Variants in CFAP43 observed in about 807,000 individuals in gnomAD.
CFAP43 encodes cilia and flagella associated protein 43, also known as cilia- and flagella-associated protein 43.
In CFAP43, 155 loss-of-function variants were observed where a neutral mutation model predicts 218.9. The observed-to-expected ratio is 0.71, with a 90% confidence interval of 0.62 to 0.81. The LOEUF is 0.81. Ranked by LOEUF, CFAP43 falls within the 30% of genes least tolerant of loss-of-function variation. The pLI, the probability that CFAP43 is intolerant of heterozygous loss-of-function variation, is 0.00. For missense variants in CFAP43, 1,778 were observed against 1,954.3 expected, an observed-to-expected ratio of 0.91 and a Z score of 1.70; for synonymous variants, 645 against 681.3, an observed-to-expected ratio of 0.95 and a Z score of 0.83.
chr10:104,149,207 CCT>C (rs1431932567), intron 28 of CFAP43, among the ~76,000 whole-genome samples: 2 of 152,058 alleles, frequency 1.3e-5, no homozygotes, highest in Non-Finnish European at 2.9e-5. Flanking sequence ...TAAATTTGAT[CCT>C]TTTAACAAGA....
At chr10:104,171,247 C>T (rs1434541377) in intron 20 of CFAP43, among the ~76,000 whole-genome samples, 1 of 152,088 alleles carries the variant, frequency 6.6e-6, no homozygotes, top group Non-Finnish European at 1.5e-5. Context: ...GATTAATATG[C>T]CCAGCACATT....
rs531466951 is a variant in CFAP43 at position 104,131,624 on chromosome 10, A to C, written c.4678-140T>G. On this transcript the variant is annotated intron_variant, in intron 36 of 37. Transcript: ENST00000357060. Reference sequence around the variant, plus strand: ...TACCGCCATATCTGTAGTGCCTGGCATAGTAGGCACTCGAGTTATTTGTTG... The same window carrying C: ...TACCGCCATATCTGTAGTGCCTGGCCTAGTAGGCACTCGAGTTATTTGTTG... 3.8e-5 allele frequency: 37 copies of C among 967,466 alleles called. 1 individual carries two copies. In the South Asian group the frequency reaches 6.5e-4, roughly 17 times the overall value. 59.9% of individuals were successfully genotyped at this position (967,466 alleles called of 1,614,324 possible).
At chr10:104,160,368 G>A (rs1017017369) in intron 27 of CFAP43, among the ~76,000 whole-genome samples, 4 of 152,228 alleles carry the variant, frequency 2.6e-5, no homozygotes, top group South Asian at 2.1e-4. Flanking sequence ...ATTCAAAGAA[G>A]CTCTTCATGA....
At chr10:104,143,917 C>G (rs565233896) in intron 31 of CFAP43, among the ~76,000 whole-genome samples, 2 of 152,342 alleles carry the variant, frequency 1.3e-5, no homozygotes, top group South Asian at 4.1e-4. Context: ...CATTTCCTTT[C>G]TGTATACTGT....
At chr10:104,193,798 T>A in intron 11 of CFAP43, 68 bp downstream of exon 11, 2 of 1,533,832 alleles carry the variant, frequency 1.3e-6, no homozygotes, top group African/African-American at 2.8e-5. Context: ...AAAGAAAGGA[T>A]GGCTTCACTA....
rs1390654780 is a variant in CFAP43 at position 104,139,402 on chromosome 10, CAT to C, written c.4431+1438_4431+1439del. Among the ~76,000 whole-genome samples the C allele has an allele frequency of 5.9e-5, 9 of 152,264 alleles. 2 individuals are homozygous for C. Among genetic ancestry groups the C allele is most frequent in the Admixed American group, 5.2e-4 (8 of 15,288 alleles). The stretch of plus-strand genomic sequence containing the variant: ...GAGAAGCTCAAGAATCTCACGCACA[CAT>C]GTGCATACCGCCCCCTATCCCCACC... On this transcript the variant is annotated intron_variant, in intron 34 of 37. Transcript: ENST00000357060.
chr10:104,157,074 C>T lies in CFAP43; in HGVS notation c.3540+3963G>A, dbSNP rs185569128. On this transcript the variant is annotated intron_variant, in intron 27 of 37. Coordinates refer to ENST00000357060, the MANE Select transcript of CFAP43 (RefSeq NM_025145.7). ...ATAAAACAAGTAAAAATAACATTGT[C>T]TAAAGATATCTTAAAGCTGAAAACC... Among the ~76,000 whole-genome samples the T allele has an allele frequency of 9.1e-4, 138 of 152,338 alleles. 1 individual carries two copies. The highest frequency in any genetic ancestry group is 3.2e-3 in the African/African-American group (132 of 41,562).
chr10:104,229,803 C>G (rs1026647697), intron 2 of CFAP43, among the ~76,000 whole-genome samples: 1 of 152,174 alleles, frequency 6.6e-6, no homozygotes, highest in African/African-American at 2.4e-5. Flanking sequence ...ATCTTTATCC[C>G]TATTTCATGA....
At chr10:104,211,535 T>A (rs1042347296) in intron 5 of CFAP43, among the ~76,000 whole-genome samples, 1 of 152,204 alleles carries the variant, frequency 6.6e-6, no homozygotes, top group Non-Finnish European at 1.5e-5. Flanking sequence ...CTGCGCCTTC[T>A]CAGAATTCCT....
chr10:104,217,580 TG>T (rs1488585900), intron 3 of CFAP43, among the ~76,000 whole-genome samples: 2 of 152,320 alleles, frequency 1.3e-5, no homozygotes, highest in African/African-American at 4.8e-5. Flanking sequence ...GCAAGAGGGC[TG>T]GACCTTCCGT....
chr10:104,211,964 C>T (rs2090875560), intron 5 of CFAP43, 43 bp downstream of exon 5: 7 of 1,596,594 alleles, frequency 4.4e-6, no homozygotes, highest in Non-Finnish European at 6.0e-6. Flanking sequence ...GCTTCCTAGA[C>T]CTCAACCCAT....
rs777305060 is a variant in CFAP43, at chr10:104,188,358, G to A, written c.1599C>T (p.Asp533=). ...QISTVSLLET[D]IVEVMVLSSL... ...AGGAAAGCACCATCACTTCCACTAT[G>A]TCTGTTTCTAAAAGAGACACTGTGG... Residue 533 remains aspartate (D), a synonymous_variant, in exon 13 of 38, where the codon GAC becomes GAT. Transcript: ENST00000357060. The A allele has an allele frequency of 1.9e-6, 3 of 1,614,080 alleles. No homozygotes were observed. The highest frequency in any genetic ancestry group is 1.7e-5 in the Admixed American group (1 of 60,008).
At chr10:104,138,079 G>A (rs2087534294) in intron 34 of CFAP43, among the ~76,000 whole-genome samples, 1 of 152,124 alleles carries the variant, frequency 6.6e-6, no homozygotes, top group South Asian at 2.1e-4. Flanking sequence ...GTATAGCATG[G>A]AACAGTGGAG....
intron 5 of CFAP43, among the ~76,000 whole-genome samples, chr10:104,209,678 C>A (rs966058270): frequency 1.3e-5 from 2 of 152,100 alleles, no homozygotes; most frequent in Non-Finnish European, 2.9e-5. Flanking sequence ...CCCAGAAAAA[C>A]CCAATTTGAG....
intron 17 of CFAP43, among the ~76,000 whole-genome samples, chr10:104,180,224 T>A (rs917586157): frequency 1.8e-4 from 28 of 152,186 alleles, no homozygotes; most frequent in Admixed American, 5.9e-4. Context: ...TTCCTGCCCA[T>A]CAGGGCCTGT....
intron 3 of CFAP43, among the ~76,000 whole-genome samples, chr10:104,222,436 G>A (rs1409708065): frequency 6.6e-6 from 1 of 152,186 alleles, no homozygotes; most frequent in Non-Finnish European, 1.5e-5. Context: ...CCACAGCAGA[G>A]GCTGGAAGAG....
chr10:104,208,897 A>T (rs567513637), intron 5 of CFAP43, among the ~76,000 whole-genome samples: 2 of 152,160 alleles, frequency 1.3e-5, no homozygotes, highest in Non-Finnish European at 2.9e-5. Context: ...GATTTCCCCC[A>T]TGCTACGACT....
intron 8 of CFAP43, 161 bp downstream of exon 8, chr10:104,203,511 T>C (rs1044021613): frequency 1.7e-6 from 1 of 575,904 alleles, no homozygotes; most frequent in Non-Finnish European, 2.7e-6. Flanking sequence ...TAGCTCTTTG[T>C]AATTTAGGCC....
rs112588117 is a variant in CFAP43 at position 104,147,842 on chromosome 10, C to G, written c.3768+49G>C. The G allele has an allele frequency of 3.6e-3, 4,770 of 1,315,494 alleles. 138 individuals are homozygous for G. The African/African-American group carries it at 0.064, about 18-fold the overall frequency. 81.5% of individuals were successfully genotyped at this position (1,315,494 alleles called of 1,614,324 possible). A position where few individuals can be genotyped will look rare whatever the true frequency, so the allele number is the denominator to read the frequency against. On this transcript the variant is annotated intron_variant, in intron 29 of 37. Transcript: ENST00000357060. The stretch of plus-strand genomic sequence containing the variant: ...ACGTGAGCTCTTGCTAAATGAGGGG[C>G]ATGTCTATCAGAAAATGCTTGTATT...
Sources: gnomAD v4.1 joint callset for allele counts (sites outside exome capture counted in the v4.1 genomes callset) on GRCh38, gnomAD v4.1.1 for gene constraint, MANE v1.5 for transcripts, NCBI Gene and HGNC (gene_info 2026-07-23, HGNC 2026-07-21) for gene names.